The following KCNIP4 variants were observed in gnomAD, a reference collection of about 807,000 sequenced individuals.
The protein encoded by KCNIP4 is potassium voltage-gated channel interacting protein 4.
KCNIP4 carries 12 observed loss-of-function variants against 34.0 expected under a neutral mutation model. The observed-to-expected ratio is 0.35, with a 90% confidence interval of 0.23 to 0.57. KCNIP4 has a LOEUF of 0.57. Ranked by LOEUF, KCNIP4 falls within the 20% of genes least tolerant of loss-of-function variation. The pLI is 0.83. For synonymous variants in KCNIP4, 124 were observed against 102.2 expected (o/e 1.21, Z -1.29); for missense variants, 238 against 311.7 (o/e 0.76, Z 1.78).
intron 1 of KCNIP4, among the ~76,000 whole-genome samples, chr4:21,710,675 T>TGG (rs1232335114): frequency 6.6e-6 from 1 of 152,210 alleles, no homozygotes; most frequent in Non-Finnish European, 1.5e-5. Flanking sequence ...TGAGTCAGGC[T>TGG]TGTGTCTGGC....
chr4:20,952,856 A>G (rs2149643726), intron 1 of KCNIP4, among the ~76,000 whole-genome samples: 1 of 152,350 alleles, frequency 6.6e-6, no homozygotes, highest in African/African-American at 2.4e-5. Flanking sequence ...TGGGAAGTCT[A>G]AGATCAAGTG....
intron 2 of KCNIP4, among the ~76,000 whole-genome samples, chr4:20,880,316 C>T (rs574177064): frequency 6.6e-6 from 1 of 152,136 alleles, no homozygotes; most frequent in African/African-American, 2.4e-5. Flanking sequence ...AACCATTCAC[C>T]TTTCCAACCC....
chr4:21,685,616 C>T (rs1272486786), intron 1 of KCNIP4, among the ~76,000 whole-genome samples: 1 of 152,162 alleles, frequency 6.6e-6, no homozygotes, highest in Non-Finnish European at 1.5e-5. Context: ...ACTTGAATAA[C>T]TCAGGTCCAG....
intron 1 of KCNIP4, among the ~76,000 whole-genome samples, chr4:21,519,959 A>C (rs958943840): frequency 1.3e-5 from 2 of 151,390 alleles, no homozygotes; most frequent in African/African-American, 4.9e-5. Context: ...GGCCATTTGC[A>C]AGCTAAGGAG....
chr4:21,886,187 T>G (rs1726753844), intron 1 of KCNIP4, among the ~76,000 whole-genome samples: 1 of 152,146 alleles, frequency 6.6e-6, no homozygotes. Flanking sequence ...TTTCCAGGTT[T>G]AATGTTTAGA....
At position 21,670,565 on chromosome 4, in the gene KCNIP4, G is replaced by A. The variant is rs532314973; in HGVS notation, c.61+278006C>T. On this transcript the variant is annotated intron_variant, in intron 1 of 8. Coordinates refer to ENST00000382152, the MANE Select transcript of KCNIP4 (RefSeq NM_025221.6). ...GTGCACATGTACCCTAAAACTTAAA[G>A]TATAATAAAAAAAAAATCGATCATA... Among the ~76,000 whole-genome samples, 400 of 151,774 alleles carry A rather than the reference G, an allele frequency of 2.6e-3. 1 individual carries two copies. Among genetic ancestry groups the A allele is most frequent in the African/African-American group, 7.7e-3 (319 of 41,356 alleles).
At position 21,862,712 on chromosome 4, in the gene KCNIP4, G is replaced by A. The variant is rs1199175851; in HGVS notation, c.61+85859C>T. Among the ~76,000 whole-genome samples, 11 of 152,266 alleles carry A rather than the reference G, an allele frequency of 7.2e-5. No homozygotes were observed. In the South Asian group the frequency reaches 1.7e-3, roughly 23 times the overall value. On this transcript the variant is annotated intron_variant, in intron 1 of 8. Transcript: ENST00000382152. ...TAAGGGGCCCAGCGTGGTGGCTCAC[G>A]CCTGTAATCCCAGCACTTTGGGAGG...
chr4:21,528,679 G>C lies in KCNIP4; in HGVS notation c.61+419892C>G, dbSNP rs113583320. On this transcript the variant is annotated intron_variant, in intron 1 of 8. Transcript: ENST00000382152. ...GAGACTCTGTCTCATAAAAAACAAA[G>C]AAAGAAAGAAAGAAAGAAAGAAAGA... Among the ~76,000 whole-genome samples the C allele has an allele frequency of 0.015, 42 of 2,774 alleles. 1 individual carries two copies. In the South Asian group the frequency reaches 0.19, roughly 12 times the overall value. The allele number at this position is 2,774 out of a possible 152,430, so 1.8% of individuals were successfully genotyped here. A position where few individuals can be genotyped will look rare whatever the true frequency, so the allele number is the denominator to read the frequency against.
intron 1 of KCNIP4, among the ~76,000 whole-genome samples, chr4:21,218,743 G>T (rs1288345872): frequency 1.3e-5 from 2 of 152,084 alleles, no homozygotes; most frequent in African/African-American, 2.4e-5. Flanking sequence ...CAAAGCTATG[G>T]GCTCATCCAG....
chr4:21,631,322 T>C (rs527490180), intron 1 of KCNIP4, among the ~76,000 whole-genome samples: 307 of 152,328 alleles, frequency 2.0e-3, no homozygotes, highest in African/African-American at 7.0e-3. Context: ...TTTTAATTAA[T>C]GACATTTTCT....
intron 1 of KCNIP4, among the ~76,000 whole-genome samples, chr4:21,604,980 G>T (rs906257596): frequency 6.6e-6 from 1 of 152,182 alleles, no homozygotes; most frequent in African/African-American, 2.4e-5. Context: ...TAGTGAAAGT[G>T]TTGTTCCTCT....
intron 1 of KCNIP4, among the ~76,000 whole-genome samples, chr4:21,209,938 C>T (rs889939517): frequency 6.6e-6 from 1 of 152,116 alleles, no homozygotes; most frequent in African/African-American, 2.4e-5. Flanking sequence ...TGACTATAAA[C>T]AGAGCATTGT....
intron 1 of KCNIP4, among the ~76,000 whole-genome samples, chr4:20,921,742 T>C (rs779248240): frequency 2.6e-5 from 4 of 152,206 alleles, no homozygotes; most frequent in Admixed American, 6.5e-5. Context: ...TGGTTCTGCA[T>C]AGAACATTTT....
chr4:21,633,238 G>A (rs1403904802), intron 1 of KCNIP4, among the ~76,000 whole-genome samples: 1 of 152,126 alleles, frequency 6.6e-6, no homozygotes, highest in East Asian at 1.9e-4. Context: ...TACATTAAAA[G>A]TGAGGTATAG....
intron 1 of KCNIP4, among the ~76,000 whole-genome samples, chr4:21,602,290 A>G (rs1328016754): frequency 2.0e-5 from 3 of 152,154 alleles, no homozygotes; most frequent in African/African-American, 7.2e-5. Flanking sequence ...ATTTGCTTGC[A>G]TGTCCTTCTC....
At chr4:21,902,589 G>C (rs1322103357) in intron 1 of KCNIP4, among the ~76,000 whole-genome samples, 2 of 151,998 alleles carry the variant, frequency 1.3e-5, no homozygotes, top group African/African-American at 4.8e-5. Context: ...AAAACTTTCA[G>C]GTCAAGGAAA....
chr4:20,914,657 A>T (rs1025005020), intron 1 of KCNIP4, among the ~76,000 whole-genome samples: 1 of 152,104 alleles, frequency 6.6e-6, no homozygotes, highest in Non-Finnish European at 1.5e-5. Flanking sequence ...GCACTTAGAG[A>T]TGTGTTGTTT....
At chr4:21,076,658 T>C (rs1051247922) in intron 1 of KCNIP4, among the ~76,000 whole-genome samples, 9 of 152,122 alleles carry the variant, frequency 5.9e-5, no homozygotes, top group Non-Finnish European at 8.8e-5. Flanking sequence ...AATTCGTATG[T>C]TAATTATCTG....
intron 1 of KCNIP4, among the ~76,000 whole-genome samples, chr4:21,200,300 GTA>G (rs201876148): frequency 1.5e-5 from 2 of 136,338 alleles, no homozygotes; most frequent in Non-Finnish European, 3.1e-5. Flanking sequence ...GTGTGTGTGT[GTA>G]TATATATACA....
Sources: allele counts gnomAD v4.1 joint callset (sites outside exome capture counted in the v4.1 genomes callset), GRCh38; gene constraint gnomAD v4.1.1; transcripts MANE v1.5; gene names NCBI Gene and HGNC (gene_info 2026-07-23, HGNC 2026-07-21).